CHLSN: variants seen among roughly 807,000 people sequenced by gnomAD.
CHLSN encodes protein cholesin.
At chr7:1,093,485 AGGAGCAGCAGCGCTCGGCCC>A in the CHLSN span, 1 of 469,974 alleles carries the variant, frequency 2.1e-6, no homozygotes, top group Non-Finnish European at 4.4e-6. Context: ...CAGGCCCACG[AGGAGCAGCAGCGCTCGGCCC>A]GGAGCAGCAG....
At chr7:1,024,184 G>A in the CHLSN span, among the ~76,000 whole-genome samples, 1 of 152,134 alleles carries the variant, frequency 6.6e-6, no homozygotes. Context: ...GTGAGCCCAC[G>A]GTGCACAGCC....
chr7:1,025,975 G>A, the CHLSN span: 1 of 152,256 alleles, frequency 6.6e-6, no homozygotes, highest in African/African-American at 2.4e-5. Context: ...CAGCTGCAGT[G>A]GAGGGAAGAG....
At chr7:1,011,601 C>T in the CHLSN span, among the ~76,000 whole-genome samples, 81 of 148,844 alleles carry the variant, frequency 5.4e-4, no homozygotes, top group Non-Finnish European at 8.6e-4. Context: ...AACATACCCA[C>T]AGCCACACAC....
the CHLSN span, among the ~76,000 whole-genome samples, chr7:1,115,743 C>G: frequency 8.0e-6 from 1 of 124,904 alleles, no homozygotes; most frequent in African/African-American, 3.0e-5. Flanking sequence ...CCGACGCCCA[C>G]GCAGGATGAT....
At chr7:1,034,540 C>T in the CHLSN span, among the ~76,000 whole-genome samples, 37 of 152,234 alleles carry the variant, frequency 2.4e-4, no homozygotes, top group Non-Finnish European at 3.7e-4. Flanking sequence ...TGGTGCAGCA[C>T]GGGCAGTGGG....
At chr7:1,005,336 C>A in the CHLSN span, among the ~76,000 whole-genome samples, 3 of 152,178 alleles carry the variant, frequency 2.0e-5, no homozygotes, top group African/African-American at 7.2e-5. Context: ...CTTGCTGAAC[C>A]CCCTTCCAAA....
At chr7:985,023 C>T in the CHLSN span, 92 of 1,612,054 alleles carry the variant, frequency 5.7e-5, no homozygotes, top group Middle Eastern at 8.3e-4. Flanking sequence ...ACAGCCTGGG[C>T]GTGGGCCGGG....
At chr7:1,041,325 AGGGGGCCTGGGGTCCGCGCTGCGG>A in the CHLSN span, among the ~76,000 whole-genome samples, 15 of 121,264 alleles carry the variant, frequency 1.2e-4, no homozygotes, top group African/African-American at 4.9e-4. Context: ...GCTGCGGGGA[AGGGGGCCTGGGGTCCGCGCTGCGG>A]GGAAGGGGGC....
chr7:1,006,556 G>A, the CHLSN span, among the ~76,000 whole-genome samples: 53 of 149,406 alleles, frequency 3.5e-4, no homozygotes, highest in African/African-American at 1.2e-3. Flanking sequence ...CCACAGCGCA[G>A]GGAAAGAGCG....
chr7:1,068,488 C>T, the CHLSN span, among the ~76,000 whole-genome samples: 1 of 152,140 alleles, frequency 6.6e-6, no homozygotes, highest in Non-Finnish European at 1.5e-5. Flanking sequence ...GTCACACAAA[C>T]TCGGCTTTGC....
At chr7:1,009,607 CCCT>C in the CHLSN span, among the ~76,000 whole-genome samples, 3 of 152,136 alleles carry the variant, frequency 2.0e-5, no homozygotes, top group Non-Finnish European at 4.4e-5. Context: ...ACCACGAGTT[CCCT>C]CCTCCTCACC....
the CHLSN span, chr7:1,093,818 G>A: frequency 7.6e-6 from 3 of 395,020 alleles, no homozygotes; most frequent in Admixed American, 2.9e-5. Flanking sequence ...GGATCCTTCC[G>A]GAGGCTCTGT....
chr7:1,012,265 T>C, the CHLSN span, among the ~76,000 whole-genome samples: 1 of 152,214 alleles, frequency 6.6e-6, no homozygotes, highest in Admixed American at 6.5e-5. Flanking sequence ...GGACAGGCCC[T>C]GAGCAGGTGG....
chr7:1,129,496 A>G, the CHLSN span, among the ~76,000 whole-genome samples: 2 of 151,700 alleles, frequency 1.3e-5, 1 homozygote, highest in Non-Finnish European at 2.9e-5. Context: ...CTCGGGCTGC[A>G]GTGCAGTGGC....
chr7:993,910 C>T, the CHLSN span, among the ~76,000 whole-genome samples: 3 of 151,290 alleles, frequency 2.0e-5, no homozygotes, highest in African/African-American at 4.9e-5. Flanking sequence ...GACATCAATC[C>T]TGCAAGAAAC....
chr7:1,091,443 C>T, the CHLSN span: 12 of 437,878 alleles, frequency 2.7e-5, no homozygotes, highest in Non-Finnish European at 4.9e-5. Context: ...CGGGACTGTG[C>T]ACGGTGGCCG....
the CHLSN span, chr7:1,000,651 GC>G: frequency 1.1e-6 from 1 of 919,890 alleles, no homozygotes; most frequent in African/African-American, 1.6e-5. Flanking sequence ...AGGAGAGGGA[GC>G]CCCACCAGGT....
At chr7:983,124 G>A in the CHLSN span, 1 of 1,170,316 alleles carries the variant, frequency 8.5e-7, no homozygotes, top group Non-Finnish European at 1.1e-6. Context: ...GGTGGGTGGG[G>A]TGCGGGCACG....
At chr7:1,041,630 G>C in the CHLSN span, among the ~76,000 whole-genome samples, 1 of 152,170 alleles carries the variant, frequency 6.6e-6, no homozygotes, top group South Asian at 2.1e-4. Context: ...ATAATCAACA[G>C]GCCACAAAGA....
Sources: gnomAD v4.1 joint callset for allele counts (sites outside exome capture counted in the v4.1 genomes callset) on GRCh38, gnomAD v4.1.1 for gene constraint, MANE v1.5 for transcripts, NCBI Gene and HGNC (gene_info 2026-07-23, HGNC 2026-07-21) for gene names.